Variants in PTPRM observed in about 807,000 individuals in gnomAD.
The protein encoded by PTPRM is protein tyrosine phosphatase receptor type M.
PTPRM carries 47 observed loss-of-function variants against 186.7 expected under a neutral mutation model. That is an observed-to-expected ratio of 0.25 (90% CI 0.20 to 0.32). PTPRM has a LOEUF of 0.32. Among genes scored for constraint, PTPRM ranks in the 10% least tolerant of loss-of-function variants. The pLI, the probability that PTPRM is intolerant of heterozygous loss-of-function variation, is 1.00. For missense variants in PTPRM, 1,494 were observed against 1,865.0 expected (o/e 0.80, Z 3.66); for synonymous variants, 668 against 674.9 (o/e 0.99, Z 0.16).
At chr18:8,300,571 A>ACCATCCTG (rs1195693207) in intron 20 of PTPRM, among the ~76,000 whole-genome samples, 1 of 150,808 alleles carries the variant, frequency 6.6e-6, no homozygotes, top group Non-Finnish European at 1.5e-5. Context: ...TAATTCAGGG[A>ACCATCCTG]CCATCCTGCT....
intron 8 of PTPRM, among the ~76,000 whole-genome samples, chr18:8,071,912 TAAC>T (rs1169013986): frequency 2.6e-5 from 4 of 152,210 alleles, no homozygotes; most frequent in Admixed American, 6.5e-5. Context: ...GTGAGAATAA[TAAC>T]AATTCTTAGA....
chr18:8,225,817 T>C (rs73394042), intron 14 of PTPRM, among the ~76,000 whole-genome samples: 23,897 of 152,228 alleles, frequency 0.16, 1,999 homozygotes, highest in African/African-American at 0.21. Flanking sequence ...TATAAATTTC[T>C]GTATACCAAA....
chr18:8,040,195 A>G (rs918966123), intron 7 of PTPRM, among the ~76,000 whole-genome samples: 2 of 152,142 alleles, frequency 1.3e-5, no homozygotes, highest in Admixed American at 1.3e-4. Flanking sequence ...TCTGGCTGGC[A>G]TGCTTTCTTA....
chr18:7,612,646 G>A (rs1370224332), intron 1 of PTPRM, among the ~76,000 whole-genome samples: 1 of 152,170 alleles, frequency 6.6e-6, no homozygotes, highest in Non-Finnish European at 1.5e-5. Context: ...TGGGAGTGAA[G>A]CTGTACGAAA....
At chr18:7,835,383 A>G (rs1168013304) in intron 2 of PTPRM, among the ~76,000 whole-genome samples, 1 of 151,972 alleles carries the variant, frequency 6.6e-6, no homozygotes, top group Admixed American at 6.6e-5. Flanking sequence ...ATGTATTTGT[A>G]TAGCTTCCAA....
chr18:8,118,848 G>C (rs1315649752), intron 13 of PTPRM, among the ~76,000 whole-genome samples: 2 of 146,726 alleles, frequency 1.4e-5, no homozygotes, highest in African/African-American at 2.5e-5. Flanking sequence ...TTTATACATG[G>C]GCTTTTTTTT....
At chr18:8,117,944 A>T (rs115556391) in intron 13 of PTPRM, among the ~76,000 whole-genome samples, 2 of 152,176 alleles carry the variant, frequency 1.3e-5, no homozygotes, top group Non-Finnish European at 2.9e-5. Context: ...ATTTGGTCCA[A>T]CTGTGTTTTA....
At chr18:8,118,670 G>A (rs1479311892) in intron 13 of PTPRM, among the ~76,000 whole-genome samples, 1 of 151,750 alleles carries the variant, frequency 6.6e-6, no homozygotes, top group African/African-American at 2.4e-5. Flanking sequence ...CGCAGTGGTG[G>A]GTGCCTTTAA....
chr18:8,353,161 T>A (rs962450716), intron 23 of PTPRM, among the ~76,000 whole-genome samples: 1 of 151,984 alleles, frequency 6.6e-6, no homozygotes, highest in African/African-American at 2.4e-5. Context: ...AATGGCAAGA[T>A]GGAGAAAGAG....
chr18:7,993,480 G>C (rs1203890643), intron 7 of PTPRM, among the ~76,000 whole-genome samples: 1 of 151,986 alleles, frequency 6.6e-6, no homozygotes, highest in Non-Finnish European at 1.5e-5. Flanking sequence ...AAAGAGAAAA[G>C]CATCAAGTCA....
intron 23 of PTPRM, among the ~76,000 whole-genome samples, chr18:8,352,632 C>CTTTTTTTTTTTTTGGTTTTTTTTTTTTTT (rs2095540295): frequency 7.7e-6 from 1 of 130,462 alleles, no homozygotes; most frequent in East Asian, 2.2e-4. Flanking sequence ...TTTTTCTTTT[C>CTTTTTTTTTTTTTGGTTTTTTTTTTTTTT]TTTTTTTTTT....
chr18:8,243,327 C>T (rs1005454226), intron 14 of PTPRM, among the ~76,000 whole-genome samples: 2 of 152,178 alleles, frequency 1.3e-5, no homozygotes, highest in Admixed American at 6.5e-5. Flanking sequence ...TCCTGCTGAA[C>T]GTTGCAGGGA....
chr18:7,567,733 G>C lies in PTPRM; in HGVS notation c.-86G>C. On this transcript the variant is annotated 5_prime_UTR_variant, in exon 1 of 33. Coordinates refer to ENST00000580170, the MANE Select transcript of PTPRM (RefSeq NM_001105244.2). The surrounding 1 kb of genome is among the most constrained non-coding windows in gnomAD (Gnocchi z 4.3). ...TGCTGTTTACCCGTCTCTCCTCGCT[G>C]CCTCGGAACCAAAGCTCCCGGCCCC... 8.0e-7 allele frequency: 1 copy of C among 1,247,622 alleles called. No homozygotes were observed. The highest frequency in any genetic ancestry group is 1.1e-6 in the Non-Finnish European group (1 of 930,056). 77.3% of individuals were successfully genotyped at this position (1,247,622 alleles called of 1,614,324 possible).
At chr18:8,293,985 G>T (rs2095068085) in intron 19 of PTPRM, among the ~76,000 whole-genome samples, 2 of 152,086 alleles carry the variant, frequency 1.3e-5, no homozygotes, top group African/African-American at 4.8e-5. Context: ...AGGCACAGTG[G>T]CTCACTCCTG....
chr18:8,037,240 T>G (rs2086391508), intron 7 of PTPRM, among the ~76,000 whole-genome samples: 1 of 152,214 alleles, frequency 6.6e-6, no homozygotes, highest in Non-Finnish European at 1.5e-5. Flanking sequence ...CTTAATACCT[T>G]CATTAGTTAC....
At chr18:7,588,547 ATTATAC>A (rs1162691215) in intron 1 of PTPRM, among the ~76,000 whole-genome samples, 6 of 152,340 alleles carry the variant, frequency 3.9e-5, no homozygotes, top group African/African-American at 1.4e-4. Flanking sequence ...AAGCATTGCA[ATTATAC>A]TTAAAAGAAT....
At chr18:7,669,818 G>C (rs981190616) in intron 1 of PTPRM, among the ~76,000 whole-genome samples, 2 of 152,132 alleles carry the variant, frequency 1.3e-5, no homozygotes, top group Non-Finnish European at 2.9e-5. Flanking sequence ...CACCTCCTGG[G>C]TTCAAGAGAT....
intron 8 of PTPRM, among the ~76,000 whole-genome samples, chr18:8,075,026 G>A (rs1484428310): frequency 2.6e-5 from 4 of 152,032 alleles, no homozygotes; most frequent in African/African-American, 7.2e-5. Flanking sequence ...TATAGTTTTG[G>A]TTCTTACAGT....
chr18:7,842,926 G>GTT (rs1410846963), intron 2 of PTPRM, among the ~76,000 whole-genome samples: 6 of 72,990 alleles, frequency 8.2e-5, no homozygotes, highest in Non-Finnish European at 4.8e-5. Flanking sequence ...GTGTGTGTGT[G>GTT]TGTGTATATA....
Sources: allele counts gnomAD v4.1 joint callset (sites outside exome capture counted in the v4.1 genomes callset), GRCh38; gene constraint gnomAD v4.1.1; non-coding constraint Gnocchi (gnomAD v3.1); transcripts MANE v1.5; gene names NCBI Gene and HGNC (gene_info 2026-07-23, HGNC 2026-07-21).